PEX5: variants seen among roughly 807,000 people sequenced by gnomAD.
PEX5 encodes the protein PTS1 receptor.
Under a neutral mutation model 82.9 loss-of-function variants are expected in PEX5, and 52 were observed. The ratio of observed to expected loss-of-function variants is 0.63; its 90% CI spans 0.50 to 0.79. PEX5 has a LOEUF of 0.79. PEX5 is among the 30% of genes least tolerant of loss of function. The pLI is 0.00. For missense variants in PEX5, 719 were observed against 815.2 expected (o/e 0.88, Z 1.44); for synonymous variants, 300 against 318.8 (o/e 0.94, Z 0.63).
intron 5 of PEX5, among the ~76,000 whole-genome samples, chr12:7,196,549 TAATTA>T (rs373608841): frequency 6.3e-4 from 29 of 46,160 alleles, no homozygotes; most frequent in South Asian, 2.7e-3. Context: ...TATAATGTAA[TAATTA>T]TATATGTCAC....
chr12:7,202,987 T>C lies in PEX5; in HGVS notation c.846+283T>C, dbSNP rs12825629. ...GTCTGAACAACATGGAGAAACCCCA[T>C]GTCTCTACTAAAAATACAAAATTAG... On this transcript the variant is annotated intron_variant, in intron 9 of 15. Coordinates refer to ENST00000675855, the MANE Select transcript of PEX5 (RefSeq NM_001351132.2). Among the ~76,000 whole-genome samples the C allele has an allele frequency of 0.44, 66,980 of 151,686 alleles. 15,945 individuals are homozygous for C. The highest frequency in any genetic ancestry group is 0.61 in the Admixed American group (9,321 of 15,266).
intron 10 of PEX5, among the ~76,000 whole-genome samples, chr12:7,207,046 C>T (rs1944895509): frequency 6.6e-6 from 1 of 152,154 alleles, no homozygotes; most frequent in Admixed American, 6.5e-5. Flanking sequence ...GTATTCTCTG[C>T]CATCTGGATT....
In PEX5 at chr12:7,203,577, A is replaced by T. The variant is rs1359899070; in HGVS notation, c.966+26A>T. On this transcript the variant is annotated intron_variant, in intron 10 of 15. Transcript: ENST00000675855. ...GTGAGGTAAAAACTCTTAGTTTTTC[A>T]GGTTCCAGAACTTCCTTCTTTTTAA... The T allele has an allele frequency of 3.1e-6, 5 of 1,605,952 alleles. No homozygotes were observed. In the Admixed American group the frequency reaches 8.5e-5, roughly 27 times the overall value.
chr12:7,202,033 T>C, intron 7 of PEX5, 192 bp downstream of exon 7: 1 of 798,194 alleles, frequency 1.3e-6, no homozygotes, highest in Non-Finnish European at 2.1e-6. Context: ...CCTTGCCTAC[T>C]AACTCTTTTT....
chr12:7,203,538 C>T lies in PEX5; in HGVS notation c.953C>T (p.Ala318Val). 1 of 1,613,854 alleles carries T rather than the reference C, an allele frequency of 6.2e-7. No individual in the cohort carries two copies. The highest frequency in any genetic ancestry group is 8.5e-7 in the Non-Finnish European group (1 of 1,179,890). Residue 318 changes from alanine to valine, a missense_variant, in exon 10 of 16, where the codon GCT becomes GTT. Physicochemically the swap from Ala to Val is moderately conservative, Grantham distance 64. Transcript: ENST00000675855. Reference sequence around the variant, plus strand: ...TCTGACTATGATGACCTTACGTCAGCTACCTATGATAAGGTGAGGTAAAAA... The same window carrying T: ...TCTGACTATGATGACCTTACGTCAGTTACCTATGATAAGGTGAGGTAAAAA... ...WLSDYDDLTS[A>V]TYDKGYQFEE...
Position 7,207,816 on chromosome 12 carries a change from T to G in PEX5, c.1110+14T>G. The G allele has an allele frequency of 6.2e-7, 1 of 1,613,702 alleles. No individual in the cohort carries two copies. The highest frequency in any genetic ancestry group is 2.2e-5 in the East Asian group (1 of 44,870). ...AAGCACATGGAAGTGAGTGACTCCATAGTCTCATTTCTGGCTAGAGACTGC... is the reference window on the plus strand; with the variant it reads ...AAGCACATGGAAGTGAGTGACTCCAGAGTCTCATTTCTGGCTAGAGACTGC... On this transcript the variant is annotated intron_variant, in intron 11 of 15. Coordinates refer to ENST00000675855, the MANE Select transcript of PEX5 (RefSeq NM_001351132.2).
chr12:7,207,213 A>T (rs1009509832), intron 10 of PEX5, among the ~76,000 whole-genome samples: 2 of 152,236 alleles, frequency 1.3e-5, no homozygotes, highest in Non-Finnish European at 2.9e-5. Context: ...TTATATTTGA[A>T]TAGCAGGACT....
chr12:7,214,744 T>C (rs887118693), downstream of PEX5, among the ~76,000 whole-genome samples: 2 of 151,922 alleles, frequency 1.3e-5, no homozygotes, highest in African/African-American at 4.8e-5. Context: ...AGAATTATTC[T>C]CTTAAAAAAT....
Position 7,197,513 on chromosome 12 carries a change from ATAAT to A in PEX5, c.449-1495_449-1492del, listed in dbSNP as rs943814128. On this transcript the variant is annotated intron_variant, in intron 5 of 15. Coordinates refer to ENST00000675855, the MANE Select transcript of PEX5 (RefSeq NM_001351132.2). ...AATTATATATGTTATATATAATGTA[ATAAT>A]TATATGTTATATATAATGTAATTAT... Among the ~76,000 whole-genome samples the A allele has an allele frequency of 4.9e-5, 5 of 103,028 alleles. No homozygotes were observed. The East Asian group carries it at 6.8e-4, about 14-fold the overall frequency. 67.6% of individuals were successfully genotyped at this position (103,028 alleles called of 152,430 possible). A position where few individuals can be genotyped will look rare whatever the true frequency, so the allele number is the denominator to read the frequency against.
intron 15 of PEX5, 33 bp downstream of exon 15, chr12:7,209,873 G>T (rs778990021): frequency 6.2e-7 from 1 of 1,613,246 alleles, no homozygotes; most frequent in Admixed American, 1.7e-5. Context: ...GAATGAATGA[G>T]CTTTTTCTCC....
At chr12:7,196,342 CAT>C (rs1231355803) in intron 5 of PEX5, among the ~76,000 whole-genome samples, 15 of 131,476 alleles carry the variant, frequency 1.1e-4, no homozygotes, top group African/African-American at 2.2e-4. Context: ...TTATATATGT[CAT>C]ATATAATTTA....
chr12:7,206,419 A>G (rs997703746), intron 10 of PEX5, among the ~76,000 whole-genome samples: 1 of 152,254 alleles, frequency 6.6e-6, no homozygotes, highest in African/African-American at 2.4e-5. Flanking sequence ...AGATCCACGA[A>G]GCCTGAAATA....
intron 6 of PEX5, among the ~76,000 whole-genome samples, chr12:7,201,067 C>A (rs991265241): frequency 2.6e-5 from 4 of 152,044 alleles, no homozygotes; most frequent in Non-Finnish European, 5.9e-5. Context: ...CCCAGGAGGT[C>A]AAGTCTAGCC....
intron 5 of PEX5, among the ~76,000 whole-genome samples, chr12:7,196,322 A>G (rs1157085460): frequency 8.3e-6 from 1 of 120,184 alleles, no homozygotes; most frequent in Non-Finnish European, 1.7e-5. Flanking sequence ...TTAATTATAT[A>G]TGTCATAATT....
At chr12:7,190,217 G>C in intron 1 of PEX5, 145 bp from the exon 2 acceptor site, 2 of 1,578,922 alleles carry the variant, frequency 1.3e-6, no homozygotes, top group Non-Finnish European at 1.7e-6. Context: ...CCTGGCAGAG[G>C]TGGGGGTCGC....
intron 5 of PEX5, among the ~76,000 whole-genome samples, chr12:7,197,391 A>C (rs61917957): frequency 0.46 from 47,861 of 104,202 alleles, 14,508 homozygotes; most frequent in Admixed American, 0.66. Flanking sequence ...CAATGTAATA[A>C]TTATATATAT....
chr12:7,208,263 C>T (rs759325268), intron 12 of PEX5, among the ~76,000 whole-genome samples, 183 bp downstream of exon 12: 26 of 152,200 alleles, frequency 1.7e-4, no homozygotes, highest in South Asian at 6.2e-4. Context: ...ATTTTATTTG[C>T]GGCTTTGGTT....
In PEX5 at chr12:7,191,623, C is replaced by G. The variant is rs143307183; in HGVS notation, c.371C>G (p.Ala124Gly). Reference protein sequence around the residue: ...LSENWAQEFLAAGDAVDVTQD... With the variant: ...LSENWAQEFLGAGDAVDVTQD... ...GAGAACTGGGCCCAGGAGTTTCTTG[C>G]AGCTGGAGATGCTGTGGATGTAACT... Residue 124 changes from alanine to glycine, a missense_variant, in exon 5 of 16, where the codon GCA becomes GGA. By Grantham distance (60) the Ala-to-Gly change is moderately conservative. Coordinates refer to ENST00000675855, the MANE Select transcript of PEX5 (RefSeq NM_001351132.2). The G allele has an allele frequency of 1.1e-4, 183 of 1,613,342 alleles. 1 individual carries two copies. Among genetic ancestry groups the G allele is most frequent in the South Asian group, 1.9e-4 (17 of 91,064 alleles).
chr12:7,201,613 A>G, intron 6 of PEX5, 138 bp from the exon 7 acceptor site: 1 of 722,494 alleles, frequency 1.4e-6, no homozygotes, highest in Non-Finnish European at 2.5e-6. Flanking sequence ...TCTATAATGC[A>G]AATTGGAGTT....
Sources: gnomAD v4.1 joint callset for allele counts (sites outside exome capture counted in the v4.1 genomes callset) on GRCh38, gnomAD v4.1.1 for gene constraint, MANE v1.5 for transcripts, NCBI Gene and HGNC (gene_info 2026-07-23, HGNC 2026-07-21) for gene names.